Variants in AKIRIN2 observed in about 807,000 individuals in gnomAD.
The protein encoded by AKIRIN2 is akirin-2.
A neutral mutation model predicts 29.3 loss-of-function variants in AKIRIN2; 6 were observed. The ratio of observed to expected loss-of-function variants is 0.20; its 90% CI spans 0.11 to 0.40. AKIRIN2 has a LOEUF of 0.40. Among genes scored for constraint, AKIRIN2 ranks in the 10% least tolerant of loss-of-function variants. AKIRIN2 has a pLI of 1.00. For missense variants in AKIRIN2, 210 were observed against 276.1 expected, an observed-to-expected ratio of 0.76 and a Z score of 1.70; for synonymous variants, 128 against 117.5, an observed-to-expected ratio of 1.09 and a Z score of -0.58.
rs991702452 is a variant in AKIRIN2 at position 87,701,997 on chromosome 6, C to T, written c.-313G>A. ...GCTCCCCCGAGAGAGGCTCCGGCCG[C>T]CCCCGCCGTCCGCTCGAGCTTTGCG... On this transcript the variant is annotated 5_prime_UTR_variant, in exon 1 of 5. Coordinates refer to ENST00000257787, the MANE Select transcript of AKIRIN2 (RefSeq NM_018064.4). The T allele has an allele frequency of 1.5e-5, 6 of 402,362 alleles. No individual in the cohort carries two copies. Among genetic ancestry groups the T allele is most frequent in the African/African-American group, 2.1e-5 (1 of 48,646 alleles). 24.9% of individuals were successfully genotyped at this position (402,362 alleles called of 1,614,324 possible).
intron 1 of AKIRIN2, among the ~76,000 whole-genome samples, chr6:87,682,688 C>G (rs1314201078): frequency 6.6e-6 from 1 of 152,114 alleles, no homozygotes; most frequent in Non-Finnish European, 1.5e-5. Context: ...TAACCAAAAT[C>G]CAAAGCAAGA....
chr6:87,686,668 A>T (rs1771193225), intron 1 of AKIRIN2, among the ~76,000 whole-genome samples: 1 of 152,084 alleles, frequency 6.6e-6, no homozygotes, highest in Admixed American at 6.6e-5. Context: ...ATAGGTCAAT[A>T]CCATTTATTT....
At chr6:87,690,340 T>C (rs1562399622) in intron 1 of AKIRIN2, among the ~76,000 whole-genome samples, 1 of 152,200 alleles carries the variant, frequency 6.6e-6, no homozygotes. Context: ...TTATTACAAG[T>C]AGGAAAATAC....
chr6:87,674,985 T>C lies in AKIRIN2; in HGVS notation c.*612A>G, dbSNP rs1770939325. ...CAGTACTACAAGGGCAGTAAAACAA[T>C]GATACACTGGAAAAAAAAAAATGCA... On this transcript the variant is annotated 3_prime_UTR_variant, in exon 5 of 5. Transcript: ENST00000257787. 1 of 130,600 alleles carries C rather than the reference T, an allele frequency of 7.7e-6. No homozygotes were observed. Among genetic ancestry groups the C allele is most frequent in the African/African-American group, 2.9e-5 (1 of 34,892 alleles). 8.1% of individuals were successfully genotyped at this position (130,600 alleles called of 1,614,324 possible).
intron 1 of AKIRIN2, among the ~76,000 whole-genome samples, chr6:87,682,168 A>G (rs533571969): frequency 6.6e-6 from 1 of 152,338 alleles, no homozygotes; most frequent in East Asian, 1.9e-4. Context: ...GCCTTTTCCA[A>G]GCCCATAAAT....
At chr6:87,680,209 G>A (rs1346828258) in intron 2 of AKIRIN2, among the ~76,000 whole-genome samples, 2 of 151,762 alleles carry the variant, frequency 1.3e-5, no homozygotes, top group Non-Finnish European at 2.9e-5. Context: ...CCCCACAATG[G>A]GCATGGCAGT....
intron 1 of AKIRIN2, among the ~76,000 whole-genome samples, chr6:87,701,166 C>G (rs1034324648): frequency 2.0e-5 from 3 of 152,076 alleles, no homozygotes; most frequent in African/African-American, 4.8e-5. Flanking sequence ...CAATTCCAAT[C>G]ATTCGGCCCA....
chr6:87,699,831 C>CT (rs1771429069), intron 1 of AKIRIN2, among the ~76,000 whole-genome samples: 2 of 152,206 alleles, frequency 1.3e-5, no homozygotes, highest in Admixed American at 1.3e-4. Flanking sequence ...AGATATAGTA[C>CT]TTTAATTCCC....
intron 1 of AKIRIN2, among the ~76,000 whole-genome samples, chr6:87,699,282 A>G (rs1771420344): frequency 6.6e-6 from 1 of 152,222 alleles, no homozygotes; most frequent in African/African-American, 2.4e-5. Context: ...ACATTACAAA[A>G]AACATACAGG....
intron 2 of AKIRIN2, among the ~76,000 whole-genome samples, chr6:87,680,498 C>A (rs911138437): frequency 2.0e-5 from 3 of 151,590 alleles, no homozygotes; most frequent in Non-Finnish European, 1.5e-5. Context: ...TTCTCGATAT[C>A]CTGACCTCGT....
intron 1 of AKIRIN2, among the ~76,000 whole-genome samples, chr6:87,693,595 C>A (rs546197536): frequency 1.4e-3 from 209 of 151,650 alleles, no homozygotes; most frequent in Non-Finnish European, 2.2e-3. Flanking sequence ...TGTGGCAGTG[C>A]GCACCTGTAA....
intron 2 of AKIRIN2, among the ~76,000 whole-genome samples, chr6:87,680,432 C>G (rs1364593366): frequency 6.6e-6 from 1 of 152,064 alleles, no homozygotes; most frequent in East Asian, 1.9e-4. Context: ...GCCACCATGC[C>G]TAGCTAATTT....
intron 1 of AKIRIN2, among the ~76,000 whole-genome samples, chr6:87,690,496 T>C (rs562873354): frequency 6.6e-6 from 1 of 152,326 alleles, no homozygotes; most frequent in South Asian, 2.1e-4. Flanking sequence ...TTCTGCAAAT[T>C]AATTTAACTT....
chr6:87,677,713 G>A, intron 3 of AKIRIN2, 105 bp downstream of exon 3: 1 of 1,333,004 alleles, frequency 7.5e-7, no homozygotes, highest in African/African-American at 1.5e-5. Flanking sequence ...CTCATTCTCA[G>A]AGAATATACC....
intron 1 of AKIRIN2, among the ~76,000 whole-genome samples, chr6:87,694,891 G>C (rs1771334425): frequency 6.6e-6 from 1 of 152,102 alleles, no homozygotes; most frequent in East Asian, 1.9e-4. Context: ...GTAAAATTCT[G>C]ATTAATAGGC....
chr6:87,697,842 T>C (rs897586401), intron 1 of AKIRIN2, among the ~76,000 whole-genome samples: 4 of 152,218 alleles, frequency 2.6e-5, no homozygotes, highest in African/African-American at 9.6e-5. Context: ...AGATTAATGG[T>C]ACCAAGCCAT....
intron 4 of AKIRIN2, 53 bp downstream of exon 4, chr6:87,675,807 C>T: frequency 6.6e-7 from 1 of 1,526,168 alleles, no homozygotes; most frequent in Admixed American, 1.8e-5. Context: ...AATGTCTTCT[C>T]CTTAAAAGAC....
In AKIRIN2 at chr6:87,701,688, CG is replaced by C. The variant is rs1771469265; in HGVS notation, c.-5del. On this transcript the variant is annotated 5_prime_UTR_variant, in exon 1 of 5. Coordinates refer to ENST00000257787, the MANE Select transcript of AKIRIN2 (RefSeq NM_018064.4). ...TCAGAGTGGCTCCGCACGCCATGGC[CG>C]GGGGCAGCTGAGGCGCCGGGCTCGG... 6.9e-7 allele frequency: 1 copy of C among 1,443,802 alleles called. No individual in the cohort carries two copies. Among genetic ancestry groups the C allele is most frequent in the Non-Finnish European group, 9.1e-7 (1 of 1,100,850 alleles). The allele number at this position is 1,443,802 out of a possible 1,614,324, so 89.4% of individuals were successfully genotyped here.
At chr6:87,688,711 C>G (rs1464765227) in intron 1 of AKIRIN2, among the ~76,000 whole-genome samples, 1 of 152,106 alleles carries the variant, frequency 6.6e-6, no homozygotes, top group African/African-American at 2.4e-5. Flanking sequence ...CGAGATTAAG[C>G]CAATGCACTC....
Sources: gnomAD v4.1 joint callset for allele counts (sites outside exome capture counted in the v4.1 genomes callset) on GRCh38, gnomAD v4.1.1 for gene constraint, MANE v1.5 for transcripts, NCBI Gene and HGNC (gene_info 2026-07-23, HGNC 2026-07-21) for gene names.